Variants in ZXDB observed in about 807,000 individuals in gnomAD.
The protein encoded by ZXDB is zinc finger X-linked duplicated B, also known as zinc finger X-linked protein ZXDB.
For missense variants in ZXDB, 413 were observed against 679.1 expected, an observed-to-expected ratio of 0.61 and a Z score of 4.36; for synonymous variants, 273 against 314.3, an observed-to-expected ratio of 0.87 and a Z score of 1.39.
In ZXDB at chrX:57,597,211, GGTT is replaced by G. The variant is rs756463718; in HGVS notation, c.*2754_*2756del. ...CCACACCCACATATATATTAAAAGTGGTTGTATTCATTTAGTGAAAAACAAAAA... is the reference window on the plus strand; with the variant it reads ...CCACACCCACATATATATTAAAAGTGGTATTCATTTAGTGAAAAACAAAAA... On this transcript the variant is annotated 3_prime_UTR_variant, in exon 1 of 1. Coordinates refer to ENST00000374888, the MANE Select transcript of ZXDB (RefSeq NM_007157.4). 8.1e-6 allele frequency: 1 copy of G among 123,115 alleles called. No individual in the cohort carries two copies. Among genetic ancestry groups the G allele is most frequent in the South Asian group, 3.7e-4 (1 of 2,679 alleles). 10.1% of individuals were successfully genotyped at this position (123,115 alleles called of 1,213,427 possible).
In ZXDB at chrX:57,596,174, G is replaced by A. The variant is rs1997715; in HGVS notation, c.*1714G>A. The stretch of plus-strand genomic sequence containing the variant: ...TTGCTGTGGGTAATACCAGGAGTGG[G>A]GACATTGCCCACATGCATAAGAGCG... On this transcript the variant is annotated 3_prime_UTR_variant, in exon 1 of 1. Transcript: ENST00000374888. 52,042 of 121,790 alleles carry A rather than the reference G, an allele frequency of 0.43. 11,545 individuals carry two copies. The highest frequency in any genetic ancestry group is 0.89 in the African/African-American group (26,946 of 30,288). 10.0% of individuals were successfully genotyped at this position (121,790 alleles called of 1,213,427 possible).
chrX:57,592,190 CG>C lies in ZXDB; in HGVS notation c.146del (p.Gly49AlafsTer69). The C allele has an allele frequency of 9.4e-7, 1 of 1,063,239 alleles. No individual in the cohort carries two copies. The allele number at this position is 1,063,239 out of a possible 1,213,427, so 87.6% of individuals were successfully genotyped here. A position where few individuals can be genotyped will look rare whatever the true frequency, so the allele number is the denominator to read the frequency against. ...QVPTRRLLLL[R>X]GPQDGGPGRR... ...CCCCACGCGCCGCCTCCTGCTGCTC[CG>C]GGGCCCCCAAGATGGCGGGCCCGGG... On this transcript the variant is annotated frameshift_variant, in exon 1 of 1. Coordinates refer to ENST00000374888, the MANE Select transcript of ZXDB (RefSeq NM_007157.4). LOFTEE classifies it low-confidence loss of function (END_TRUNC).
chrX:57,592,819 C>A lies in ZXDB; in HGVS notation c.771C>A (p.Gly257=), dbSNP rs2057899721. 1.7e-6 allele frequency: 2 copies of A among 1,146,332 alleles called. No homozygotes were observed. The highest frequency in any genetic ancestry group is 2.1e-5 in the South Asian group (1 of 48,778). 94.5% of individuals were successfully genotyped at this position (1,146,332 alleles called of 1,213,427 possible). A position where few individuals can be genotyped will look rare whatever the true frequency, so the allele number is the denominator to read the frequency against. The part of the protein sequence containing the change: ...EEAEGPAAAL[G]PRGPLGSGPG... ...CGGAGGGCCCGGCCGCCGCCCTGGG[C>A]CCCCGCGGACCGCTGGGCTCCGGCC... is the stretch of plus-strand genomic sequence containing the variant. Residue 257 remains glycine, a synonymous_variant, in exon 1 of 1, where the codon GGC becomes GGA. Coordinates refer to ENST00000374888, the MANE Select transcript of ZXDB (RefSeq NM_007157.4).
At position 57,594,338 on chromosome X, in the gene ZXDB, G is replaced by A. The variant is rs1057341; in HGVS notation, c.2290G>A (p.Asp764Asn). ...CAAAGCGGAGTGGAACGTACATCCTGACTCTGACTTCTTTGGACAGGAGGG... is the reference window on the plus strand; with the variant it reads ...CAAAGCGGAGTGGAACGTACATCCTAACTCTGACTTCTTTGGACAGGAGGG... ...PTKAEWNVHP[D>N]SDFFGQEGET... Residue 764 changes from aspartate (D) to asparagine (N), a missense_variant, in exon 1 of 1, where the codon GAC becomes AAC. Asp to Asn is a conservative substitution (Grantham distance 23). Coordinates refer to ENST00000374888, the MANE Select transcript of ZXDB (RefSeq NM_007157.4). The A allele has an allele frequency of 3.0e-5, 36 of 1,209,990 alleles. No individual in the cohort carries two copies. Among genetic ancestry groups the A allele is most frequent in the Middle Eastern group, 4.6e-4 (2 of 4,355 alleles).
At position 57,594,495 on chromosome X, in the gene ZXDB, T is replaced by A; in HGVS notation, c.*35T>A. On this transcript the variant is annotated 3_prime_UTR_variant, in exon 1 of 1. Transcript: ENST00000374888. The stretch of plus-strand genomic sequence containing the variant: ...ATTCATTCCTCATCATGTGGCTTAC[T>A]TTTATTACAGTCAATTTTGAGGATA... The A allele has an allele frequency of 3.4e-6, 4 of 1,161,379 alleles. No individual in the cohort carries two copies. The highest frequency in any genetic ancestry group is 4.6e-6 in the Non-Finnish European group (4 of 871,097).
rs2057899823 is a variant in ZXDB at position 57,592,835 on chromosome X, G to T, written c.787G>T (p.Gly263Cys). The stretch of plus-strand genomic sequence containing the variant: ...CGCCCTGGGCCCCCGCGGACCGCTG[G>T]GCTCCGGCCCAGGCGTGGTGCTGTA... ...AAALGPRGPL[G>C]SGPGVVLYLC... Residue 263 changes from glycine (G) to cysteine (C), a missense_variant, in exon 1 of 1, where the codon GGC becomes TGC. Physicochemically the swap from Gly to Cys is radical, Grantham distance 159 (BLOSUM62 -3). Coordinates refer to ENST00000374888, the MANE Select transcript of ZXDB (RefSeq NM_007157.4). 1 of 1,158,473 alleles carries T rather than the reference G, an allele frequency of 8.6e-7. No individual in the cohort carries two copies. Among genetic ancestry groups the T allele is most frequent in the Admixed American group, 2.7e-5 (1 of 36,401 alleles).
At position 57,592,728 on chromosome X, in the gene ZXDB, T is replaced by C; in HGVS notation, c.680T>C (p.Leu227Pro). The C allele has an allele frequency of 1.7e-6, 2 of 1,170,784 alleles. No homozygotes were observed. Among genetic ancestry groups the C allele is most frequent in the Non-Finnish European group, 2.3e-6 (2 of 878,277 alleles). ...HAAHPGDCPE[L>P]PPDLLLAEPA... ...GCGCACCCGGGTGACTGCCCAGAGC[T>C]GCCGCCAGACCTCCTGCTAGCTGAG... Residue 227 changes from leucine to proline, a missense_variant, in exon 1 of 1, where the codon CTG (leucine) becomes CCG (proline). Transcript: ENST00000374888.
chrX:57,595,630 TTAAA>T lies in ZXDB; in HGVS notation c.*1173_*1176del, dbSNP rs761907589. ...TATTATTCAATGCCAAAATATTTTC[TTAAA>T]TAGTCATAGAACTAACAAGAAAAAA... is the stretch of plus-strand genomic sequence containing the variant. On this transcript the variant is annotated 3_prime_UTR_variant, in exon 1 of 1. Coordinates refer to ENST00000374888, the MANE Select transcript of ZXDB (RefSeq NM_007157.4). 8.1e-6 allele frequency: 1 copy of T among 123,825 alleles called. No individual in the cohort carries two copies. Among genetic ancestry groups the T allele is most frequent in the African/African-American group, 3.2e-5 (1 of 31,020 alleles). The allele number at this position is 123,825 out of a possible 1,213,427, so 10.2% of individuals were successfully genotyped here.
chrX:57,594,440 G>T lies in ZXDB; in HGVS notation c.2392G>T (p.Gly798Cys). Residue 798 changes from glycine to cysteine, a missense_variant, in exon 1 of 1, where the codon GGC (glycine) becomes TGC (cysteine). Transcript: ENST00000374888. The part of the protein sequence containing the change: ...QKETDLITVT[G>C]SSFLV The stretch of plus-strand genomic sequence containing the variant: ...AGAAACAGATCTTATCACTGTGACT[G>T]GCAGCTCATTTTTGGTATGAACCAA... The T allele has an allele frequency of 8.3e-7, 1 of 1,206,738 alleles. No homozygotes were observed. Among genetic ancestry groups the T allele is most frequent in the Non-Finnish European group, 1.1e-6 (1 of 893,220 alleles).
In ZXDB at chrX:57,597,436, A is replaced by G. The variant is rs943075490; in HGVS notation, c.*2976A>G. The G allele has an allele frequency of 1.6e-5, 2 of 123,520 alleles. No homozygotes were observed. The highest frequency in any genetic ancestry group is 6.5e-5 in the African/African-American group (2 of 30,966). 10.2% of individuals were successfully genotyped at this position (123,520 alleles called of 1,213,427 possible). On this transcript the variant is annotated 3_prime_UTR_variant, in exon 1 of 1. Coordinates refer to ENST00000374888, the MANE Select transcript of ZXDB (RefSeq NM_007157.4). ...GTATGTCAAGGATTGAGATGAACAC[A>G]TAAGTCTTGGAAATTAAATAAATTT...
In ZXDB at chrX:57,592,825, C is replaced by T. The variant is rs1481394770; in HGVS notation, c.777C>T (p.Arg259=). The change falls in exon 1 of 1, where the codon CGC becomes CGT. Residue 259 remains arginine (R), a synonymous_variant. Coordinates refer to ENST00000374888, the MANE Select transcript of ZXDB (RefSeq NM_007157.4). ...GCCCGGCCGCCGCCCTGGGCCCCCGCGGACCGCTGGGCTCCGGCCCAGGCG... is the reference window on the plus strand; with the variant it reads ...GCCCGGCCGCCGCCCTGGGCCCCCGTGGACCGCTGGGCTCCGGCCCAGGCG... ...AEGPAAALGP[R]GPLGSGPGVV... is the part of the protein sequence containing the mutation. 2.6e-6 allele frequency: 3 copies of T among 1,151,531 alleles called. No individual in the cohort carries two copies. Among genetic ancestry groups the T allele is most frequent in the African/African-American group, 3.6e-5 (2 of 55,564 alleles). The allele number at this position is 1,151,531 out of a possible 1,213,427, so 94.9% of individuals were successfully genotyped here. A position where few individuals can be genotyped will look rare whatever the true frequency, so the allele number is the denominator to read the frequency against.
chrX:57,592,639 A>G lies in ZXDB; in HGVS notation c.591A>G (p.Pro197=). 1.7e-6 allele frequency: 2 copies of G among 1,193,959 alleles called. No individual in the cohort carries two copies. Among genetic ancestry groups the G allele is most frequent in the Non-Finnish European group, 2.2e-6 (2 of 889,019 alleles). ...CGCCCCCACCACACGCCTGGGAGCC[A>G]GGGGCCGCTCCTGCCCAGCAGCCCG... The part of the protein sequence containing the change: ...LATPPPHAWE[P]GAAPAQQPGC... Residue 197 remains proline, a synonymous_variant, in exon 1 of 1, where the codon CCA becomes CCG. Transcript: ENST00000374888.
In ZXDB at chrX:57,594,476, TC is replaced by T. The variant is rs1160028014; in HGVS notation, c.*18del. On this transcript the variant is annotated 3_prime_UTR_variant, in exon 1 of 1. Transcript: ENST00000374888. ...TTTGGTATGAACCAACTCTATTCATTCCTCATCATGTGGCTTACTTTTATTA... is the reference window on the plus strand; with the variant it reads ...TTTGGTATGAACCAACTCTATTCATTCTCATCATGTGGCTTACTTTTATTA... 8.5e-7 allele frequency: 1 copy of T among 1,180,236 alleles called. No individual in the cohort carries two copies. The highest frequency in any genetic ancestry group is 1.1e-6 in the Non-Finnish European group (1 of 880,393).
At position 57,597,288 on chromosome X, in the gene ZXDB, AC is replaced by A. The variant is rs2057913415; in HGVS notation, c.*2831del. The stretch of plus-strand genomic sequence containing the variant: ...ATAAATGCTTGGAATTTGATTGTCT[AC>A]CCAATCAACAGTTTTCCCTCTTTGC... On this transcript the variant is annotated 3_prime_UTR_variant, in exon 1 of 1. Coordinates refer to ENST00000374888, the MANE Select transcript of ZXDB (RefSeq NM_007157.4). 1 of 123,324 alleles carries A rather than the reference AC, an allele frequency of 8.1e-6. No homozygotes were observed. The highest frequency in any genetic ancestry group is 3.2e-5 in the African/African-American group (1 of 30,788). The allele number at this position is 123,324 out of a possible 1,213,427, so 10.2% of individuals were successfully genotyped here.
Position 57,593,366 on chromosome X carries a change from A to G in ZXDB, c.1318A>G (p.Arg440Gly). 1 of 1,211,839 alleles carries G rather than the reference A, an allele frequency of 8.3e-7. No homozygotes were observed. Among genetic ancestry groups the G allele is most frequent in the Non-Finnish European group, 1.1e-6 (1 of 895,479 alleles). ...CAGCAAACAATATGACAAGGCTTGT[A>G]GGCTGAAAATTCACCTGCGGAGTCA... ...GCSKQYDKAC[R>G]LKIHLRSHTG... The change falls in exon 1 of 1, where the codon AGG becomes GGG. Residue 440 changes from arginine (R) to glycine (G), a missense_variant. By Grantham distance (125) the Arg-to-Gly change is moderately radical (BLOSUM62 -2). Coordinates refer to ENST00000374888, the MANE Select transcript of ZXDB (RefSeq NM_007157.4).
chrX:57,592,754 C>G lies in ZXDB; in HGVS notation c.706C>G (p.Pro236Ala). 8.7e-7 allele frequency: 1 copy of G among 1,153,631 alleles called. No homozygotes were observed. The highest frequency in any genetic ancestry group is 1.1e-6 in the Non-Finnish European group (1 of 870,050). ...GCCGCCAGACCTCCTGCTAGCTGAG[C>G]CGGCCGAACCCGCGCCAGCTCCGGC... ...ELPPDLLLAE[P>A]AEPAPAPAPE... The change falls in exon 1 of 1, where the codon CCG becomes GCG. Residue 236 changes from proline (P) to alanine (A), a missense_variant. Transcript: ENST00000374888.
rs1196786574 is a variant in ZXDB, at chrX:57,596,791, T to G, written c.*2331T>G. 3 of 122,771 alleles carry G rather than the reference T, an allele frequency of 2.4e-5. No individual in the cohort carries two copies. The highest frequency in any genetic ancestry group is 9.8e-5 in the African/African-American group (3 of 30,661). 10.1% of individuals were successfully genotyped at this position (122,771 alleles called of 1,213,427 possible). On this transcript the variant is annotated 3_prime_UTR_variant, in exon 1 of 1. Transcript: ENST00000374888. ...TCCTCTTTTATAATGGATATATCTT[T>G]TTCCTGCCATTATCCCTCAGACATT... is the stretch of plus-strand genomic sequence containing the variant.
In ZXDB at chrX:57,592,638, C is replaced by G; in HGVS notation, c.590C>G (p.Pro197Arg). Reference protein sequence around the residue: ...LATPPPHAWEPGAAPAQQPGC... With the variant: ...LATPPPHAWERGAAPAQQPGC... ...ACGCCCCCACCACACGCCTGGGAGC[C>G]AGGGGCCGCTCCTGCCCAGCAGCCC... Residue 197 changes from proline to arginine, a missense_variant, in exon 1 of 1, where the codon CCA (proline) becomes CGA (arginine). By Grantham distance (103) the Pro-to-Arg change is moderately radical (BLOSUM62 -2). Transcript: ENST00000374888. The G allele has an allele frequency of 1.7e-6, 2 of 1,194,012 alleles. No individual in the cohort carries two copies. The highest frequency in any genetic ancestry group is 2.2e-6 in the Non-Finnish European group (2 of 889,000).
At position 57,592,838 on chromosome X, in the gene ZXDB, T is replaced by C. The variant is rs756490511; in HGVS notation, c.790T>C (p.Ser264Pro). 25 of 1,162,469 alleles carry C rather than the reference T, an allele frequency of 2.2e-5. No homozygotes were observed. The African/African-American group carries it at 4.1e-4, about 19-fold the overall frequency. Residue 264 changes from serine (S) to proline (P), a missense_variant, in exon 1 of 1, where the codon TCC becomes CCC. Physicochemically the swap from Ser to Pro is moderately conservative, Grantham distance 74. Transcript: ENST00000374888. The part of the protein sequence containing the change: ...AALGPRGPLG[S>P]GPGVVLYLCP... ...CCTGGGCCCCCGCGGACCGCTGGGC[T>C]CCGGCCCAGGCGTGGTGCTGTACTT... is the stretch of plus-strand genomic sequence containing the variant.
Sources: gnomAD v4.1 joint callset for allele counts on GRCh38, gnomAD v4.1.1 for gene constraint, MANE v1.5 for transcripts, NCBI Gene and HGNC (gene_info 2026-07-23, HGNC 2026-07-21) for gene names.